The following TEP1 variants were observed in gnomAD, a reference collection of about 807,000 sequenced individuals.
TEP1 encodes the protein telomerase associated protein 1.
A neutral mutation model predicts 306.3 loss-of-function variants in TEP1; 241 were observed. That is an observed-to-expected ratio of 0.79 (90% CI 0.71 to 0.88). TEP1 has a LOEUF of 0.88. TEP1 is among the 40% of genes least tolerant of loss of function. The probability of loss-of-function intolerance (pLI) is 0.00; values close to 1 mark genes in which losing one functional copy is unlikely to be tolerated. For missense variants in TEP1, 3,051 were observed against 3,276.1 expected (o/e 0.93, Z 1.68); for synonymous variants, 1,289 against 1,305.5 (o/e 0.99, Z 0.27).
At position 20,382,678 on chromosome 14, in the gene TEP1, G is replaced by T. The variant is rs530356778; in HGVS notation, c.4085C>A (p.Pro1362Gln). 3 of 1,613,906 alleles carry T rather than the reference G, an allele frequency of 1.9e-6. No individual in the cohort carries two copies. Among genetic ancestry groups the T allele is most frequent in the Non-Finnish European group, 2.5e-6 (3 of 1,180,002 alleles). ...ATCGGTGACCAAGCGCAGGTAGAGC[G>T]GCCGGCCTGATTCCCGCTTCACCAG... is the stretch of plus-strand genomic sequence containing the variant. ...LLLVKRESGR[P>Q]LYLRLVTDHL... is the part of the protein sequence containing the mutation. Residue 1362 changes from proline to glutamine, a missense_variant, in exon 28 of 55, where the codon CCG (proline) becomes CAG (glutamine). Physicochemically the swap from Pro to Gln is moderately conservative, Grantham distance 76. Coordinates refer to ENST00000262715, the MANE Select transcript of TEP1 (RefSeq NM_007110.5).
chr14:20,372,930 A>G lies in TEP1; in HGVS notation c.6952-73T>C, dbSNP rs1884938246. 3.7e-6 allele frequency: 6 copies of G among 1,613,334 alleles called. No individual in the cohort carries two copies. The South Asian group carries it at 4.4e-5, about 12-fold the overall frequency. On this transcript the variant is annotated intron_variant, in intron 48 of 54. Coordinates refer to ENST00000262715, the MANE Select transcript of TEP1 (RefSeq NM_007110.5). ...GCACCATCTTTTCCCTCCCAGGCAC[A>G]TATGCAACCTCTAACGCCCAGTAAA...
Position 20,408,301 on chromosome 14 carries a change from A to C in TEP1, c.139T>G (p.Leu47Val), listed in dbSNP as rs201089880. The change falls in exon 2 of 55, where the codon TTG (leucine) becomes GTG (valine). Residue 47 changes from leucine to valine, a missense_variant. This residue lies in a region of TEP1 where 1,507 missense variants were observed against 1,550.5 expected (regional missense o/e 0.97). Coordinates refer to ENST00000262715, the MANE Select transcript of TEP1 (RefSeq NM_007110.5). The stretch of plus-strand genomic sequence containing the variant: ...AGCGTGGCTAGGCACTGGTTCTTCA[A>C]GGAGAGGATATCTGAGTGGGTAGAT... Reference protein sequence around the residue: ...HVSTHSDILSLKNQCLATLPD... With the variant: ...HVSTHSDILSVKNQCLATLPD... The C allele has an allele frequency of 3.4e-4, 552 of 1,613,478 alleles. No homozygotes were observed. Among genetic ancestry groups the C allele is most frequent in the Non-Finnish European group, 4.6e-4 (542 of 1,179,930 alleles).
Position 20,386,466 on chromosome 14 carries a change from C to G in TEP1, c.2842G>C (p.Glu948Gln). The change falls in exon 19 of 55, where the codon GAG (glutamate) becomes CAG (glutamine). Residue 948 changes from glutamate to glutamine, a missense_variant. By Grantham distance (29) the Glu-to-Gln change is conservative (BLOSUM62 2). This residue lies in a region of TEP1 where 1,507 missense variants were observed against 1,550.5 expected (regional missense o/e 0.97). Transcript: ENST00000262715. ...CCACACCTGTTCCTACGGGTCTCCTCCTCAGTGACGCCCCAGCGGAGGTCG... is the reference window on the plus strand; with the variant it reads ...CCACACCTGTTCCTACGGGTCTCCTGCTCAGTGACGCCCCAGCGGAGGTCG... ...GIDLRWGVTE[E>Q]ETRRNRQLEV... The G allele has an allele frequency of 6.2e-7, 1 of 1,607,854 alleles. No homozygotes were observed.
rs1884572530 is a variant in TEP1 at position 20,367,919 on chromosome 14, A to G, written c.*518T>C. The G allele has an allele frequency of 6.5e-6, 1 of 154,208 alleles. No homozygotes were observed. Among genetic ancestry groups the G allele is most frequent in the African/African-American group, 2.4e-5 (1 of 41,394 alleles). The allele number at this position is 154,208 out of a possible 1,614,324, so 9.6% of individuals were successfully genotyped here. On this transcript the variant is annotated 3_prime_UTR_variant, in exon 55 of 55. Coordinates refer to ENST00000262715, the MANE Select transcript of TEP1 (RefSeq NM_007110.5). Reference sequence around the variant, plus strand: ...CCACCATGCCCGGCCTCCTCTGGGTAGTTCTGAGAAAAGGGCTGTCTCTGT... The same window carrying G: ...CCACCATGCCCGGCCTCCTCTGGGTGGTTCTGAGAAAAGGGCTGTCTCTGT...
Position 20,367,415 on chromosome 14 carries a change from G to T in TEP1, c.*1022C>A, listed in dbSNP as rs1025820401. The T allele has an allele frequency of 1.3e-4, 19 of 151,466 alleles. No individual in the cohort carries two copies. The highest frequency in any genetic ancestry group is 4.6e-4 in the African/African-American group (19 of 41,178). The allele number at this position is 151,466 out of a possible 1,614,324, so 9.4% of individuals were successfully genotyped here. On this transcript the variant is annotated 3_prime_UTR_variant, in exon 55 of 55. Transcript: ENST00000262715. ...TTTACTTAAGAAAATCAGAGTTCAT[G>T]GCTATGATTGTGCCACCTCTCAATT...
chr14:20,395,330 A>G, intron 12 of TEP1, 120 bp downstream of exon 12: 1 of 1,005,376 alleles, frequency 9.9e-7, no homozygotes, highest in Non-Finnish European at 1.4e-6. Flanking sequence ...GTTCTGAGCC[A>G]CTGCGATGAC....
At chr14:20,409,281 A>G (rs991481565) in intron 1 of TEP1, among the ~76,000 whole-genome samples, 1 of 152,120 alleles carries the variant, frequency 6.6e-6, no homozygotes, top group African/African-American at 2.4e-5. Context: ...TCTTAAAACT[A>G]TTCTGACTAG....
At chr14:20,383,099 C>A (rs933321807) in intron 27 of TEP1, 75 bp downstream of exon 27, 2 of 1,471,792 alleles carry the variant, frequency 1.4e-6, no homozygotes, top group South Asian at 2.7e-5. Context: ...AGGCAGCTAG[C>A]GGCCTCGGCA....
At chr14:20,375,446 G>T (rs981729688) in intron 43 of TEP1, among the ~76,000 whole-genome samples, 2 of 152,114 alleles carry the variant, frequency 1.3e-5, no homozygotes, top group Non-Finnish European at 2.9e-5. Context: ...GAGCCACCGT[G>T]CCCAGACCTA....
rs872074 is a variant in TEP1, at chr14:20,391,046, C to T, written c.2148G>A (p.Ala716=). The T allele has an allele frequency of 0.17, 272,755 of 1,613,900 alleles. 24,144 individuals are homozygous for T. The highest frequency in any genetic ancestry group is 0.24 in the African/African-American group (18,331 of 74,936). ...LLLIGMMITR[A]EQVDVVLCGG... ...CACACAGCACGACGTCCACCTGCTC[C>T]GCCCTCGTGATCATCATCCCAATCA... The change falls in exon 14 of 55, where the codon GCG becomes GCA. Residue 716 remains alanine, a synonymous_variant. Transcript: ENST00000262715.
intron 1 of TEP1, among the ~76,000 whole-genome samples, chr14:20,412,487 A>T (rs1350249359): frequency 6.6e-6 from 1 of 152,182 alleles, no homozygotes; most frequent in Non-Finnish European, 1.5e-5. Context: ...CCTTCTCTGG[A>T]AGTAAACATT....
rs1324215129 is a variant in TEP1 at position 20,381,552 on chromosome 14, C to A, written c.4558+1G>T. 6 of 1,613,632 alleles carry A rather than the reference C, an allele frequency of 3.7e-6. No individual in the cohort carries two copies. Among genetic ancestry groups the A allele is most frequent in the Non-Finnish European group, 3.4e-6 (4 of 1,180,034 alleles). On this transcript the variant is annotated splice_donor_variant, in intron 31 of 54. Coordinates refer to ENST00000262715, the MANE Select transcript of TEP1 (RefSeq NM_007110.5). LOFTEE classifies it high-confidence loss of function. The surrounding 1 kb of genome is among the most constrained non-coding windows in gnomAD (Gnocchi z 4.0). ...CCCAGGCTGACTTGGGCTGCAATCA[C>A]CTGCAATGAGGATGTGTGCCGTGTC... is the stretch of plus-strand genomic sequence containing the variant.
chr14:20,395,107 A>T (rs1291103973), intron 12 of TEP1, among the ~76,000 whole-genome samples: 1 of 152,256 alleles, frequency 6.6e-6, no homozygotes, highest in Non-Finnish European at 1.5e-5. Flanking sequence ...CAAACATGTC[A>T]CAGAAAAGAA....
At position 20,368,370 on chromosome 14, in the gene TEP1, G is replaced by A; in HGVS notation, c.*67C>T. On this transcript the variant is annotated 3_prime_UTR_variant, in exon 55 of 55. Transcript: ENST00000262715. The stretch of plus-strand genomic sequence containing the variant: ...ATTATTAATTTTATAATTATTAAAA[G>A]CTACCAGTGTCTTCAGGCTTTGCAT... The A allele has an allele frequency of 6.7e-7, 1 of 1,501,258 alleles. No homozygotes were observed. Among genetic ancestry groups the A allele is most frequent in the South Asian group, 1.3e-5 (1 of 74,478 alleles). The allele number at this position is 1,501,258 out of a possible 1,614,324, so 93.0% of individuals were successfully genotyped here. A position where few individuals can be genotyped will look rare whatever the true frequency, so the allele number is the denominator to read the frequency against.
In TEP1 at chr14:20,382,040, C is replaced by T. The variant is rs201530411; in HGVS notation, c.4297G>A (p.Gly1433Arg). The change falls in exon 30 of 55, where the codon GGA becomes AGA. Residue 1433 changes from glycine to arginine, a missense_variant. Around this residue, in one of 3 missense-constraint regions of TEP1, gnomAD observed 1,540 missense variants for 1,705.9 expected, o/e 0.90. Coordinates refer to ENST00000262715, the MANE Select transcript of TEP1 (RefSeq NM_007110.5). ...RSGLTVDQLH[G>R]VLSVWRTLPK... ...AGTGTCCGCCACACACTCAGCACTC[C>T]GTGCAGCTGGTCCACAGTCAAACCT... 11 of 1,614,180 alleles carry T rather than the reference C, an allele frequency of 6.8e-6. No homozygotes were observed. The highest frequency in any genetic ancestry group is 4.0e-5 in the African/African-American group (3 of 75,034).
chr14:20,375,619 G>A, intron 43 of TEP1, 136 bp downstream of exon 43: 1 of 609,078 alleles, frequency 1.6e-6, no homozygotes. Context: ...TTAGTTCAAT[G>A]CCTGGCACAT....
intron 2 of TEP1, among the ~76,000 whole-genome samples, chr14:20,407,271 C>CATGAGAT (rs1879247710): frequency 3.9e-5 from 6 of 152,222 alleles, no homozygotes; most frequent in Admixed American, 3.9e-4. Flanking sequence ...ATCTCAAAAG[C>CATGAGAT]ACCTAACTGA....
intron 2 of TEP1, among the ~76,000 whole-genome samples, chr14:20,406,659 C>T (rs577618442): frequency 1.6e-4 from 24 of 152,290 alleles, no homozygotes; most frequent in Middle Eastern, 3.4e-3. Flanking sequence ...TCTTCATTGG[C>T]GTCACAACCT....
Position 20,385,620 on chromosome 14 carries a change from G to A in TEP1, c.2982+455C>T, listed in dbSNP as rs1334295318. ...ACTCCTGACCTCAGGTGATCCACCC[G>A]CCTTGGTCTCCCAAACTGCTGGGAT... On this transcript the variant is annotated intron_variant, in intron 20 of 54. Transcript: ENST00000262715. Among the ~76,000 whole-genome samples the A allele has an allele frequency of 5.9e-5, 9 of 152,284 alleles. No homozygotes were observed. The South Asian group carries it at 1.2e-3, about 21-fold the overall frequency.
Sources: allele counts gnomAD v4.1 joint callset (sites outside exome capture counted in the v4.1 genomes callset), GRCh38; gene constraint gnomAD v4.1.1; regional missense constraint gnomAD v4.1.1; non-coding constraint Gnocchi (gnomAD v3.1); transcripts MANE v1.5; gene names NCBI Gene and HGNC (gene_info 2026-07-23, HGNC 2026-07-21).